ANKS1B: variants seen among roughly 807,000 people sequenced by gnomAD.
ANKS1B encodes the protein ankyrin repeat and sterile alpha motif domain containing 1B.
Under a neutral mutation model 148.3 loss-of-function variants are expected in ANKS1B, and 36 were observed. That is an observed-to-expected ratio of 0.24 (90% CI 0.19 to 0.32). The LOEUF is 0.32. ANKS1B is among the 10% of genes least tolerant of loss of function. ANKS1B has a pLI of 1.00. For synonymous variants in ANKS1B, 542 were observed against 560.8 expected (o/e 0.97, Z 0.47); for missense variants, 1,157 against 1,542.6 (o/e 0.75, Z 4.19).
chr12:99,488,629 T>C lies in ANKS1B; in HGVS notation c.1438+15847A>G, dbSNP rs548259355. On this transcript the variant is annotated intron_variant, in intron 10 of 26. Coordinates refer to ENST00000683438, the MANE Select transcript of ANKS1B (RefSeq NM_001352186.2). ...AGCAGAGGGGCAGACTTTCTGGCCC[T>C]AGCTCCAGTGAAGCTCTTTTAGACT... Among the ~76,000 whole-genome samples the C allele has an allele frequency of 1.6e-4, 25 of 152,298 alleles. No homozygotes were observed. The South Asian group carries it at 5.0e-3, about 30-fold the overall frequency.
In ANKS1B at chr12:99,187,524, A is replaced by G. The variant is rs537598168; in HGVS notation, c.2420-33129T>C. ...GAAACCTTGCAAGCCAGGAGAGAGT[A>G]GGGGAGCCAATATTCAACATTCTTA... On this transcript the variant is annotated intron_variant, in intron 14 of 26. Transcript: ENST00000683438. 3.9e-5 allele frequency among the ~76,000 whole-genome samples: 6 copies of G among 152,302 alleles called. No individual in the cohort carries two copies. The East Asian group carries it at 1.2e-3, about 29-fold the overall frequency.
At chr12:99,306,266 G>T (rs1020153382) in intron 12 of ANKS1B, among the ~76,000 whole-genome samples, 2 of 152,080 alleles carry the variant, frequency 1.3e-5, no homozygotes, top group African/African-American at 4.8e-5. Context: ...TGCAAGTGGG[G>T]TAGGGGATGA....
At chr12:99,271,792 G>T (rs1232515045) in intron 12 of ANKS1B, among the ~76,000 whole-genome samples, 1 of 151,264 alleles carries the variant, frequency 6.6e-6, no homozygotes, top group East Asian at 1.9e-4. Flanking sequence ...TGTTGGTGGG[G>T]AAGAAGGATG....
intron 19 of ANKS1B, among the ~76,000 whole-genome samples, chr12:98,828,732 T>C (rs186981328): frequency 1.3e-5 from 2 of 152,288 alleles, no homozygotes; most frequent in Non-Finnish European, 2.9e-5. Flanking sequence ...ACGCAACTAG[T>C]CCCAGTAGAG....
rs193038700 is a variant in ANKS1B, at chr12:98,806,119, G to A, written c.3141+1725C>T. On this transcript the variant is annotated intron_variant, in intron 20 of 26. Coordinates refer to ENST00000683438, the MANE Select transcript of ANKS1B (RefSeq NM_001352186.2). ...ACTCCTGGCCTCAAGTGATCCACCC[G>A]CCTTGGCCTCCCAAAGTGCTGGGAA... Among the ~76,000 whole-genome samples the A allele has an allele frequency of 3.0e-3, 460 of 152,234 alleles. 1 individual carries two copies. Among genetic ancestry groups the A allele is most frequent in the Non-Finnish European group, 5.0e-3 (342 of 68,006 alleles).
intron 12 of ANKS1B, among the ~76,000 whole-genome samples, chr12:99,285,215 C>T (rs2078970329): frequency 6.6e-6 from 1 of 152,184 alleles, no homozygotes; most frequent in Admixed American, 6.5e-5. Flanking sequence ...TGAAATTATA[C>T]AGTATATACT....
At chr12:99,421,409 C>A (rs1260471835) in intron 11 of ANKS1B, among the ~76,000 whole-genome samples, 2 of 152,038 alleles carry the variant, frequency 1.3e-5, no homozygotes, top group Admixed American at 6.6e-5. Context: ...TAAGTAGAAA[C>A]CTTCCGGGGG....
chr12:98,980,505 C>T (rs981561935), intron 17 of ANKS1B, among the ~76,000 whole-genome samples: 3 of 152,206 alleles, frequency 2.0e-5, no homozygotes, highest in Admixed American at 6.5e-5. Flanking sequence ...CGCGCCCGGC[C>T]GCACATAGGT....
intron 17 of ANKS1B, among the ~76,000 whole-genome samples, chr12:98,957,311 ATATTTATT>A (rs71782750): frequency 0.034 from 4,911 of 143,834 alleles, 265 homozygotes; most frequent in African/African-American, 0.11. Flanking sequence ...TTTTTTTTAA[ATATTTATT>A]TATTTATTTA....
At chr12:99,060,721 C>A in intron 16 of ANKS1B, among the ~76,000 whole-genome samples, 1 of 130,518 alleles carries the variant, frequency 7.7e-6, no homozygotes, top group South Asian at 2.5e-4. Flanking sequence ...AGAGAGAGAG[C>A]CTGTCATTCC....
intron 9 of ANKS1B, among the ~76,000 whole-genome samples, chr12:99,551,504 C>T (rs534339170): frequency 8.9e-4 from 106 of 118,548 alleles, no homozygotes; most frequent in African/African-American, 3.2e-3. Flanking sequence ...GATATGTTTA[C>T]TATGAGTTGG....
intron 9 of ANKS1B, among the ~76,000 whole-genome samples, chr12:99,508,383 AT>A: frequency 6.6e-6 from 1 of 151,884 alleles, no homozygotes. Context: ...AAATCAAGAG[AT>A]GATAATGAGA....
intron 12 of ANKS1B, among the ~76,000 whole-genome samples, chr12:99,367,884 G>T (rs909729375): frequency 1.3e-5 from 2 of 151,928 alleles, no homozygotes; most frequent in Non-Finnish European, 2.9e-5. Context: ...ATGGAAAGAA[G>T]AATTTTCTGA....
chr12:99,980,445 G>A (rs930294192), intron 1 of ANKS1B, among the ~76,000 whole-genome samples: 1 of 151,962 alleles, frequency 6.6e-6, no homozygotes, highest in Non-Finnish European at 1.5e-5. Flanking sequence ...CATTATAAGT[G>A]TTCAAACAAA....
At chr12:99,858,686 C>T (rs999948161) in intron 1 of ANKS1B, among the ~76,000 whole-genome samples, 1 of 152,122 alleles carries the variant, frequency 6.6e-6, no homozygotes, top group Non-Finnish European at 1.5e-5. Context: ...CCACGGAATA[C>T]TACTCAGCAA....
intron 4 of ANKS1B, among the ~76,000 whole-genome samples, chr12:99,791,320 A>G (rs2065627019): frequency 6.6e-6 from 1 of 152,044 alleles, no homozygotes; most frequent in Non-Finnish European, 1.5e-5. Context: ...CCTAAATACA[A>G]TAATAGCTGG....
chr12:98,773,514 G>A (rs954016033), intron 24 of ANKS1B, among the ~76,000 whole-genome samples: 4 of 152,234 alleles, frequency 2.6e-5, no homozygotes, highest in East Asian at 1.9e-4. Context: ...AAGTGCAGTG[G>A]TGCAATCTCG....
At chr12:98,736,186 C>T (rs1351754057) in intron 9 of ANKS1B, among the ~76,000 whole-genome samples, 4 of 152,132 alleles carry the variant, frequency 2.6e-5, no homozygotes. Flanking sequence ...TAAGCTTTAA[C>T]GAATCACCCA....
intron 11 of ANKS1B, among the ~76,000 whole-genome samples, chr12:99,434,076 A>G (rs2095421518): frequency 6.6e-6 from 1 of 152,120 alleles, no homozygotes; most frequent in South Asian, 2.1e-4. Flanking sequence ...AGAATTTTAG[A>G]ACAGGCAAGA....
Sources: allele counts gnomAD v4.1 joint callset (sites outside exome capture counted in the v4.1 genomes callset), GRCh38; gene constraint gnomAD v4.1.1; transcripts MANE v1.5; gene names NCBI Gene and HGNC (gene_info 2026-07-23, HGNC 2026-07-21).